The following TACR3 variants were observed in gnomAD, a reference collection of about 807,000 sequenced individuals.
The protein encoded by TACR3 is tachykinin receptor 3.
Under a neutral mutation model 35.0 loss-of-function variants are expected in TACR3, and 34 were observed. That is an observed-to-expected ratio of 0.97 (90% confidence interval 0.74 to 1.30). The LOEUF (loss-of-function observed/expected upper bound fraction) is 1.30, where lower values mean the gene tolerates loss of function less well. TACR3 is among the 50% of genes most tolerant of loss of function. The pLI, the probability that TACR3 is intolerant of heterozygous loss-of-function variation, is 0.00. For missense variants in TACR3, 558 were observed against 591.7 expected (o/e 0.94, Z 0.59); for synonymous variants, 233 against 221.1 (o/e 1.05, Z -0.48).
intron 3 of TACR3, among the ~76,000 whole-genome samples, chr4:103,627,477 C>T (rs1447344478): frequency 6.6e-6 from 1 of 151,054 alleles, no homozygotes; most frequent in African/African-American, 2.4e-5. Flanking sequence ...TGAGCCAAGA[C>T]TGCTCCACGG....
intron 1 of TACR3, among the ~76,000 whole-genome samples, chr4:103,696,616 C>CT (rs1467756259): frequency 6.6e-6 from 1 of 152,028 alleles, no homozygotes; most frequent in African/African-American, 2.4e-5. Flanking sequence ...TGAAGAGTTT[C>CT]TTTTTTATTT....
intron 3 of TACR3, among the ~76,000 whole-genome samples, chr4:103,642,212 TTATA>T (rs1411172248): frequency 6.7e-6 from 1 of 150,172 alleles, no homozygotes; most frequent in South Asian, 2.1e-4. Context: ...ATATACATAT[TTATA>T]TATATATATA....
At chr4:103,623,395 TTAAC>T (rs540273868) in intron 3 of TACR3, among the ~76,000 whole-genome samples, 424 of 152,278 alleles carry the variant, frequency 2.8e-3, no homozygotes, top group Non-Finnish European at 4.7e-3. Context: ...TTTTTTTTAA[TTAAC>T]AACTTCATAT....
At chr4:103,616,302 A>G (rs908953151) in intron 3 of TACR3, among the ~76,000 whole-genome samples, 176 of 151,238 alleles carry the variant, frequency 1.2e-3, no homozygotes, top group African/African-American at 3.8e-3. Flanking sequence ...ACATACGTGT[A>G]TGTGTGTGTG....
At chr4:103,680,520 TATACACATATATATAC>T (rs1722024924) in intron 1 of TACR3, among the ~76,000 whole-genome samples, 3 of 148,784 alleles carry the variant, frequency 2.0e-5, no homozygotes, top group African/African-American at 7.4e-5. Context: ...CACATATATA[TATACACATATATATAC>T]ATATATATAC....
chr4:103,639,797 CTTCT>C (rs1725310489), intron 3 of TACR3, among the ~76,000 whole-genome samples: 1 of 151,932 alleles, frequency 6.6e-6, no homozygotes, highest in South Asian at 2.1e-4. Flanking sequence ...CTTCTAGTTA[CTTCT>C]TTATCTGTAA....
chr4:103,686,270 T>C (rs987581233), intron 1 of TACR3, among the ~76,000 whole-genome samples: 4 of 152,190 alleles, frequency 2.6e-5, no homozygotes, highest in Non-Finnish European at 5.9e-5. Flanking sequence ...CTGAATTTTA[T>C]AAGCATTCCC....
intron 1 of TACR3, among the ~76,000 whole-genome samples, chr4:103,692,756 T>TATA (rs1722434348): frequency 6.6e-6 from 1 of 152,166 alleles, no homozygotes; most frequent in Non-Finnish European, 1.5e-5. Flanking sequence ...TTGTCTATTA[T>TATA]ATAACTCCAG....
rs556675742 is a variant in TACR3 at position 103,589,451 on chromosome 4, T to A, written c.*231A>T. On this transcript the variant is annotated 3_prime_UTR_variant, in exon 5 of 5. Transcript: ENST00000304883. ...TTTTTGTTCATTGCATATAATAATT[T>A]AGAGTTTTCAAAGAATAAATTTAAA... 2 of 516,880 alleles carry A rather than the reference T, an allele frequency of 3.9e-6. No homozygotes were observed. The highest frequency in any genetic ancestry group is 3.8e-5 in the African/African-American group (2 of 52,808). 32.0% of individuals were successfully genotyped at this position (516,880 alleles called of 1,614,324 possible). A position where few individuals can be genotyped will look rare whatever the true frequency, so the allele number is the denominator to read the frequency against.
intron 1 of TACR3, among the ~76,000 whole-genome samples, chr4:103,669,494 C>G (rs139633304): frequency 6.6e-5 from 10 of 152,216 alleles, no homozygotes; most frequent in African/African-American, 9.6e-5. Context: ...TCTGCATCCT[C>G]ATCAGCATCT....
At chr4:103,630,357 G>C (rs553293730) in intron 3 of TACR3, among the ~76,000 whole-genome samples, 28 of 152,262 alleles carry the variant, frequency 1.8e-4, no homozygotes, top group Non-Finnish European at 2.9e-4. Flanking sequence ...TTAAACTAAA[G>C]AGCTTCTGTA....
intron 3 of TACR3, among the ~76,000 whole-genome samples, chr4:103,627,525 A>T (rs546595392): frequency 6.3e-4 from 96 of 152,028 alleles, no homozygotes; most frequent in Admixed American, 2.7e-3. Flanking sequence ...CTCGGTCAAA[A>T]AAATAAATAA....
At chr4:103,599,517 A>T (rs186081379) in intron 3 of TACR3, among the ~76,000 whole-genome samples, 3 of 152,158 alleles carry the variant, frequency 2.0e-5, no homozygotes, top group Non-Finnish European at 4.4e-5. Flanking sequence ...GAGAGAGGGC[A>T]TCCTTGTCTT....
intron 1 of TACR3, among the ~76,000 whole-genome samples, chr4:103,670,145 CAT>C (rs983550761): frequency 8.6e-5 from 13 of 151,910 alleles, no homozygotes; most frequent in Admixed American, 2.0e-4. Context: ...TGGTTGCAAA[CAT>C]GTGGATTTAT....
intron 3 of TACR3, among the ~76,000 whole-genome samples, chr4:103,609,963 G>C (rs914410632): frequency 6.6e-6 from 1 of 151,886 alleles, no homozygotes; most frequent in African/African-American, 2.4e-5. Flanking sequence ...AATTTTTTAT[G>C]ACTAACTAGC....
intron 1 of TACR3, among the ~76,000 whole-genome samples, chr4:103,676,876 C>A (rs1726181898): frequency 1.3e-5 from 2 of 152,084 alleles, no homozygotes; most frequent in South Asian, 4.1e-4. Context: ...TCATATTAAA[C>A]TAAAGAGATT....
At chr4:103,658,434 G>T in intron 1 of TACR3, 31 bp from the exon 2 acceptor site, 4 of 1,597,290 alleles carry the variant, frequency 2.5e-6, no homozygotes, top group Non-Finnish European at 3.4e-6. Context: ...CCATTTCATT[G>T]GTTTTCTTTA....
At chr4:103,639,529 C>G (rs1028459022) in intron 3 of TACR3, among the ~76,000 whole-genome samples, 1 of 151,874 alleles carries the variant, frequency 6.6e-6, no homozygotes, top group African/African-American at 2.4e-5. Flanking sequence ...CAACATGGCA[C>G]ATGTATACAT....
chr4:103,661,337 T>C (rs924677546), intron 1 of TACR3, among the ~76,000 whole-genome samples: 2 of 152,166 alleles, frequency 1.3e-5, no homozygotes, highest in African/African-American at 4.8e-5. Context: ...CTCATGTTGA[T>C]TATAACTCAC....
Sources: allele counts gnomAD v4.1 joint callset (sites outside exome capture counted in the v4.1 genomes callset), GRCh38; gene constraint gnomAD v4.1.1; transcripts MANE v1.5; gene names NCBI Gene and HGNC (gene_info 2026-07-23, HGNC 2026-07-21).